ATM: variants seen among roughly 807,000 people sequenced by gnomAD.
ATM encodes the protein ATM serine/threonine kinase.
In ATM, 308 loss-of-function variants were observed where a neutral mutation model predicts 387.0. The ratio of observed to expected loss-of-function variants is 0.80; its 90% CI spans 0.73 to 0.87. The LOEUF (loss-of-function observed/expected upper bound fraction) is 0.87, where lower values mean the gene tolerates loss of function less well. Ranked by LOEUF, ATM falls within the 40% of genes least tolerant of loss-of-function variation. ATM has a pLI of 0.00. For missense variants in ATM, 3,312 were observed against 3,560.9 expected (o/e 0.93, Z 1.78); for synonymous variants, 1,156 against 1,187.3 (o/e 0.97, Z 0.54).
At chr11:108,317,650 T>TATATAC (rs1555115154) in intron 43 of ATM, 129 bp downstream of exon 43, 1 of 129,258 alleles carries the variant, frequency 7.7e-6, no homozygotes, top group Non-Finnish European at 1.3e-5. Context: ...TATATATATA[T>TATATAC]ATACACACAC....
intron 4 of ATM, among the ~76,000 whole-genome samples, chr11:108,232,527 CTTTTTTTTTTTTTT>C (rs71047685): frequency 3.3e-4 from 19 of 58,212 alleles, no homozygotes; most frequent in African/African-American, 1.1e-3. Context: ...GATTTCTCTC[CTTTTTTTTTTTTTT>C]TTTTTTTTTT....
intron 16 of ATM, among the ~76,000 whole-genome samples, chr11:108,259,919 G>C (rs181013859): frequency 1.2e-4 from 18 of 151,364 alleles, no homozygotes; most frequent in African/African-American, 4.4e-4. Context: ...CCATGTCACT[G>C]TACTTATTTT....
intron 26 of ATM, among the ~76,000 whole-genome samples, chr11:108,285,321 CT>C (rs11310321): frequency 0.64 from 92,706 of 144,362 alleles, 29,943 homozygotes; most frequent in African/African-American, 0.77. Context: ...ATTTTTCTCT[CT>C]TTTTTTTTTT....
At chr11:108,282,128 A>ATTTTT (rs749115733) in intron 24 of ATM, among the ~76,000 whole-genome samples, 1 of 138,668 alleles carries the variant, frequency 7.2e-6, no homozygotes, top group African/African-American at 2.6e-5. Flanking sequence ...CACCTGGCTA[A>ATTTTT]TTTTTTTTTT....
chr11:108,240,215 A>AT (rs201137199), intron 5 of ATM, among the ~76,000 whole-genome samples: 8 of 151,424 alleles, frequency 5.3e-5, no homozygotes, highest in Admixed American at 2.0e-4. Flanking sequence ...AGATGGTCAT[A>AT]TTTTTTTTTC....
rs1555128701 is a variant in ATM, at chr11:108,335,979, T to C, written c.8268+18T>C. On this transcript the variant is annotated intron_variant, in intron 56 of 62. Transcript: ENST00000675843. ...CTTATAAGGTAACTATTTGTACTTC[T>C]GTTAGTTCACCAAAAACATATAAAA... 1.9e-6 allele frequency: 3 copies of C among 1,568,080 alleles called. No homozygotes were observed. Among genetic ancestry groups the C allele is most frequent in the African/African-American group, 1.4e-5 (1 of 73,928 alleles).
intron 5 of ATM, among the ~76,000 whole-genome samples, chr11:108,240,445 A>G (rs977212148): frequency 6.6e-6 from 1 of 152,162 alleles, no homozygotes; most frequent in Non-Finnish European, 1.5e-5. Context: ...GAAATACATC[A>G]TTAGGCAATT....
At chr11:108,232,790 C>G (rs1375462980) in intron 4 of ATM, among the ~76,000 whole-genome samples, 1 of 151,722 alleles carries the variant, frequency 6.6e-6, no homozygotes, top group Non-Finnish European at 1.5e-5. Context: ...ATCTGCCTGC[C>G]TCTGCCTTCC....
chr11:108,366,330 A>G lies in ATM; in HGVS notation c.*822A>G, dbSNP rs1340474996. 4 of 211,950 alleles carry G rather than the reference A, an allele frequency of 1.9e-5. No homozygotes were observed. Among genetic ancestry groups the G allele is most frequent in the Non-Finnish European group, 3.8e-5 (4 of 104,744 alleles). The allele number at this position is 211,950 out of a possible 1,614,324, so 13.1% of individuals were successfully genotyped here. A position where few individuals can be genotyped will look rare whatever the true frequency, so the allele number is the denominator to read the frequency against. On this transcript the variant is annotated 3_prime_UTR_variant, in exon 63 of 63. Coordinates refer to ENST00000675843, the MANE Select transcript of ATM (RefSeq NM_000051.4). ...CTATCCATTGGGCTTCTTCTTTCAG[A>G]AATTGTTTTTCATTTCTAATTATGC...
intron 56 of ATM, among the ~76,000 whole-genome samples, chr11:108,341,286 C>A (rs956415356): frequency 6.6e-6 from 1 of 152,136 alleles, no homozygotes. Flanking sequence ...TTACTTCATT[C>A]AGGCTTCTGC....
chr11:108,309,513 A>G (rs1444643487), intron 38 of ATM, among the ~76,000 whole-genome samples: 3 of 152,220 alleles, frequency 2.0e-5, no homozygotes, highest in Non-Finnish European at 4.4e-5. Flanking sequence ...CACAGCTGGT[A>G]GTAGGCAATA....
chr11:108,356,969 G>A (rs1029635402), intron 61 of ATM, among the ~76,000 whole-genome samples: 7 of 152,166 alleles, frequency 4.6e-5, no homozygotes, highest in South Asian at 2.1e-4. Flanking sequence ...GAACAGCTCC[G>A]GTATACAGCT....
rs752009031 is a variant in ATM at position 108,256,347 on chromosome 11, G to T, written c.2250+7G>T. 3 of 1,606,968 alleles carry T rather than the reference G, an allele frequency of 1.9e-6. No homozygotes were observed. In the African/African-American group the frequency reaches 4.0e-5, roughly 21 times the overall value. ...ATTATTCCAGAAAGCCAAGGTAGGA[G>T]AATTTATACTAATAAAGTTTCGGAT... On this transcript the variant is annotated splice_region_variant and intron_variant, in intron 14 of 62. Transcript: ENST00000675843.
rs762132832 is a variant in ATM at position 108,292,735 on chromosome 11, A to G, written c.4553A>G (p.His1518Arg). ...YCKDALENHL[H>R]VIVGTLIPLV... ...AAGGATGCTCTAGAAAACCATCTTC[A>G]TGTTATTGTTGGTACACTTATACCC... is the stretch of plus-strand genomic sequence containing the variant. Residue 1518 changes from histidine (H) to arginine (R), a missense_variant, in exon 30 of 63, where the codon CAT (histidine) becomes CGT (arginine). By Grantham distance (29) the His-to-Arg change is conservative. Transcript: ENST00000675843. The G allele has an allele frequency of 3.7e-6, 6 of 1,613,980 alleles. No homozygotes were observed. Among genetic ancestry groups the G allele is most frequent in the Non-Finnish European group, 5.1e-6 (6 of 1,179,974 alleles).
At chr11:108,339,215 T>C (rs1025508215) in intron 56 of ATM, among the ~76,000 whole-genome samples, 6 of 152,210 alleles carry the variant, frequency 3.9e-5, no homozygotes, top group African/African-American at 1.4e-4. Context: ...TTACAAAGTA[T>C]ACTGAACAAG....
chr11:108,358,383 C>T (rs2090290694), intron 61 of ATM, among the ~76,000 whole-genome samples: 1 of 147,020 alleles, frequency 6.8e-6, no homozygotes, highest in African/African-American at 2.5e-5. Context: ...AGGATATTAT[C>T]CAGGAGAACT....
rs730881318 is a variant in ATM at position 108,330,242 on chromosome 11, G to A, written c.7336G>A (p.Glu2446Lys). Residue 2446 changes from glutamate to lysine, a missense_variant, in exon 50 of 63, where the codon GAG (glutamate) becomes AAG (lysine). Transcript: ENST00000675843. ...RYTVKVQREL[E>K]LDELALRALK... is the part of the protein sequence containing the mutation. Reference sequence around the variant, plus strand: ...CACAGTAAAGGTTCAGCGAGAGCTGGAGTTGGATGAATTAGCCCTGCGTGC... The same window carrying A: ...CACAGTAAAGGTTCAGCGAGAGCTGAAGTTGGATGAATTAGCCCTGCGTGC... 1 of 1,614,066 alleles carries A rather than the reference G, an allele frequency of 6.2e-7. No individual in the cohort carries two copies. The highest frequency in any genetic ancestry group is 1.3e-5 in the African/African-American group (1 of 74,946).
chr11:108,268,254 A>G (rs1043285145), intron 17 of ATM, among the ~76,000 whole-genome samples, 156 bp from the exon 18 acceptor site: 2 of 152,082 alleles, frequency 1.3e-5, no homozygotes, highest in African/African-American at 2.4e-5. Context: ...ATAATTTTTC[A>G]AAAAGACTTT....
intron 61 of ATM, among the ~76,000 whole-genome samples, chr11:108,363,875 CTGTATTAGAGGCCT>C (rs1418222792): frequency 7.9e-5 from 12 of 152,254 alleles, no homozygotes; most frequent in Admixed American, 4.6e-4. Flanking sequence ...ACCATCTAGT[CTGTATTAGAGGCCT>C]TCATTCCTTT....
Sources: gnomAD v4.1 joint callset for allele counts (sites outside exome capture counted in the v4.1 genomes callset) on GRCh38, gnomAD v4.1.1 for gene constraint, MANE v1.5 for transcripts, NCBI Gene and HGNC (gene_info 2026-07-23, HGNC 2026-07-21) for gene names.